Variants in ZNF585A observed in about 807,000 individuals in gnomAD.
ZNF585A encodes zinc finger protein 585A.
A neutral mutation model predicts 14.9 loss-of-function variants in ZNF585A; 9 were observed. The observed-to-expected ratio is 0.60, with a 90% CI of 0.36 to 1.05. The LOEUF is 1.05. Ranked by LOEUF, ZNF585A falls within the 50% of genes least tolerant of loss-of-function variation. ZNF585A has a pLI of 0.01. For synonymous variants in ZNF585A, 276 were observed against 319.9 expected, an observed-to-expected ratio of 0.86 and a Z score of 1.46; for missense variants, 726 against 926.4, an observed-to-expected ratio of 0.78 and a Z score of 2.81.
At chr19:37,164,920 G>A (rs920693279) in intron 2 of ZNF585A, among the ~76,000 whole-genome samples, 19 of 152,124 alleles carry the variant, frequency 1.2e-4, no homozygotes, top group African/African-American at 4.3e-4. Flanking sequence ...CAATCCTCCC[G>A]CCTCAGTCTC....
Position 37,169,916 on chromosome 19 carries a change from C to T in ZNF585A, c.-6G>A. ...GAGGTCCAATTAGCTGGCATGGCCACACTGGGTCTCAACCCTTTTTCTGTA... is the reference window on the plus strand; with the variant it reads ...GAGGTCCAATTAGCTGGCATGGCCATACTGGGTCTCAACCCTTTTTCTGTA... On this transcript the variant is annotated 5_prime_UTR_variant, in exon 2 of 5. The change creates a new upstream start codon in the 5' untranslated region. Transcript: ENST00000292841. 1.2e-6 allele frequency: 2 copies of T among 1,612,134 alleles called. No individual in the cohort carries two copies. Among genetic ancestry groups the T allele is most frequent in the Non-Finnish European group, 8.5e-7 (1 of 1,179,880 alleles).
chr19:37,165,677 T>G, intron 2 of ZNF585A: 1 of 984,468 alleles, frequency 1.0e-6, no homozygotes. Flanking sequence ...TTCCAGTTCT[T>G]TCAGGCATCA....
chr19:37,168,195 C>T (rs1972127003), intron 2 of ZNF585A, among the ~76,000 whole-genome samples: 1 of 152,104 alleles, frequency 6.6e-6, no homozygotes, highest in Admixed American at 6.5e-5. Context: ...CCTTAAATTC[C>T]TTTTGACCTG....
intron 2 of ZNF585A, among the ~76,000 whole-genome samples, chr19:37,166,771 A>C (rs1400586655): frequency 1.3e-5 from 2 of 151,962 alleles, no homozygotes; most frequent in Non-Finnish European, 2.9e-5. Context: ...CCAGGATTCC[A>C]AAAAGAAGCA....
chr19:37,168,293 C>T (rs1192927495), intron 2 of ZNF585A, among the ~76,000 whole-genome samples: 1 of 152,166 alleles, frequency 6.6e-6, no homozygotes, highest in Non-Finnish European at 1.5e-5. Context: ...TGAGAGTTAG[C>T]CTGGTACTAT....
intron 2 of ZNF585A, among the ~76,000 whole-genome samples, chr19:37,160,426 A>G (rs1242031579): frequency 6.6e-6 from 1 of 151,500 alleles, no homozygotes; most frequent in African/African-American, 2.4e-5. Context: ...AAAAGCAAGC[A>G]GAAGGAACTA....
chr19:37,155,651 G>A (rs1043895857), intron 4 of ZNF585A, among the ~76,000 whole-genome samples: 2 of 151,910 alleles, frequency 1.3e-5, no homozygotes, highest in African/African-American at 2.4e-5. Context: ...CCCCGGCTGC[G>A]ACCCAGGCTG....
intron 2 of ZNF585A, among the ~76,000 whole-genome samples, chr19:37,159,050 C>T (rs555512080): frequency 3.2e-4 from 48 of 151,938 alleles, no homozygotes; most frequent in African/African-American, 1.1e-3. Context: ...GGGTTTGAGA[C>T]CAGCCTGGCC....
chr19:37,145,673 T>C lies in ZNF585A; in HGVS notation c.*5916A>G, dbSNP rs966683823. 1.3e-5 allele frequency: 2 copies of C among 152,220 alleles called. No individual in the cohort carries two copies. The highest frequency in any genetic ancestry group is 2.9e-5 in the Non-Finnish European group (2 of 68,036). The allele number at this position is 152,220 out of a possible 1,614,324, so 9.4% of individuals were successfully genotyped here. A position where few individuals can be genotyped will look rare whatever the true frequency, so the allele number is the denominator to read the frequency against. ...TTTTTTGTTTTAATAGCAGCATTCC[T>C]TGTTATAATAAATATTAAAATAACA... On this transcript the variant is annotated 3_prime_UTR_variant, in exon 5 of 5. Coordinates refer to ENST00000292841, the MANE Select transcript of ZNF585A (RefSeq NM_001288800.2).
chr19:37,172,169 T>C (rs1972193145), intron 1 of ZNF585A, among the ~76,000 whole-genome samples: 2 of 152,152 alleles, frequency 1.3e-5, no homozygotes. Flanking sequence ...AACTAGGTCA[T>C]AAAGCAATTT....
chr19:37,155,785 C>T, intron 4 of ZNF585A, 80 bp downstream of exon 4: 1 of 1,485,972 alleles, frequency 6.7e-7, no homozygotes, highest in Non-Finnish European at 9.4e-7. Context: ...TAATAGTATT[C>T]CAAGGGTGTT....
Position 37,152,861 on chromosome 19 carries a change from T to G in ZNF585A, c.1038A>C (p.Lys346Asn). Residue 346 changes from lysine to asparagine, a missense_variant, in exon 5 of 5, where the codon AAA becomes AAC. Coordinates refer to ENST00000292841, the MANE Select transcript of ZNF585A (RefSeq NM_001288800.2). ...SNNSNLVTHK[K>N]VQSREKSSIC... Reference sequence around the variant, plus strand: ...TGGAAGATTTCTCTCTACTTTGAACTTTCTTATGTGTAACGAGGTTGGAAT... The same window carrying G: ...TGGAAGATTTCTCTCTACTTTGAACGTTCTTATGTGTAACGAGGTTGGAAT... 1 of 1,614,218 alleles carries G rather than the reference T, an allele frequency of 6.2e-7. No homozygotes were observed. The highest frequency in any genetic ancestry group is 1.1e-5 in the South Asian group (1 of 91,084).
At chr19:37,161,950 G>C (rs1025355812) in intron 2 of ZNF585A, among the ~76,000 whole-genome samples, 1 of 152,116 alleles carries the variant, frequency 6.6e-6, no homozygotes, top group Middle Eastern at 3.2e-3. Flanking sequence ...TTGAGATGGA[G>C]TTTCACTCTG....
rs1457564980 is a variant in ZNF585A, at chr19:37,147,473, C to T, written c.*4116G>A. On this transcript the variant is annotated 3_prime_UTR_variant, in exon 5 of 5. Coordinates refer to ENST00000292841, the MANE Select transcript of ZNF585A (RefSeq NM_001288800.2). ...CTGGCCTCTTTTATTGTAGTTATAT[C>T]TTTACACTACAAACATTAAATGCAA... 3 of 152,130 alleles carry T rather than the reference C, an allele frequency of 2.0e-5. No individual in the cohort carries two copies. The highest frequency in any genetic ancestry group is 7.2e-5 in the African/African-American group (3 of 41,428). The allele number at this position is 152,130 out of a possible 1,614,324, so 9.4% of individuals were successfully genotyped here. A position where few individuals can be genotyped will look rare whatever the true frequency, so the allele number is the denominator to read the frequency against.
rs183637346 is a variant in ZNF585A, at chr19:37,156,152, C to A, written c.199+77G>T. 1.9e-6 allele frequency: 3 copies of A among 1,581,144 alleles called. No homozygotes were observed. The South Asian group carries it at 3.5e-5, about 18-fold the overall frequency. On this transcript the variant is annotated intron_variant, in intron 3 of 4. Transcript: ENST00000292841. ...ACAAAATCATCACCTATTTAAGATG[C>A]GGACAGCATTCACCAACTGAGAATG...
rs749206277 is a variant in ZNF585A at position 37,153,599 on chromosome 19, T to C, written c.300A>G (p.Lys100=). The stretch of plus-strand genomic sequence containing the variant: ...TTCTACATTGATTATGGTCCCATAA[T>C]TTCTCTCCTGTTGGAATACACTCAT... ...ERPRQSCPGE[K]LWDHNQCRKI... Residue 100 remains lysine, a synonymous_variant, in exon 5 of 5, where the codon AAA becomes AAG. Transcript: ENST00000292841. 1 of 1,609,160 alleles carries C rather than the reference T, an allele frequency of 6.2e-7. No homozygotes were observed. Among genetic ancestry groups the C allele is most frequent in the Non-Finnish European group, 8.5e-7 (1 of 1,178,002 alleles).
intron 2 of ZNF585A, among the ~76,000 whole-genome samples, chr19:37,159,248 C>CA (rs768272181): frequency 0.32 from 21,716 of 68,882 alleles, 3,553 homozygotes; most frequent in Non-Finnish European, 0.43. Context: ...GACTCCATCT[C>CA]AAAAAAAAAA....
chr19:37,145,962 A>G lies in ZNF585A; in HGVS notation c.*5627T>C. 1 of 151,888 alleles carries G rather than the reference A, an allele frequency of 6.6e-6. No individual in the cohort carries two copies. Among genetic ancestry groups the G allele is most frequent in the Non-Finnish European group, 1.5e-5 (1 of 68,034 alleles). The allele number at this position is 151,888 out of a possible 1,614,324, so 9.4% of individuals were successfully genotyped here. ...TGTGTTGATTATATTTAAAACCATT[A>G]ATAGAAACAATATAATTATAGAATT... On this transcript the variant is annotated 3_prime_UTR_variant, in exon 5 of 5. Transcript: ENST00000292841.
At chr19:37,161,569 T>G (rs538895033) in intron 2 of ZNF585A, among the ~76,000 whole-genome samples, 2 of 152,108 alleles carry the variant, frequency 1.3e-5, no homozygotes, top group Non-Finnish European at 1.5e-5. Context: ...TTACATATAG[T>G]GTGCATGCCT....
Sources: gnomAD v4.1 joint callset for allele counts (sites outside exome capture counted in the v4.1 genomes callset) on GRCh38, gnomAD v4.1.1 for gene constraint, MANE v1.5 for transcripts, NCBI Gene and HGNC (gene_info 2026-07-23, HGNC 2026-07-21) for gene names.